Variants in ZFP30 observed in about 807,000 individuals in gnomAD.
ZFP30 encodes ZFP30 zinc finger protein, also known as zinc finger protein 30 homolog.
Under a neutral mutation model 12.3 loss-of-function variants are expected in ZFP30, and 16 were observed. The ratio of observed to expected loss-of-function variants is 1.30; its 90% CI spans 0.88 to 1.98. The LOEUF (loss-of-function observed/expected upper bound fraction) is 1.98. ZFP30 is among the 30% of genes most tolerant of loss of function. The pLI is 0.00. For synonymous variants in ZFP30, 172 were observed against 201.0 expected (o/e 0.86, Z 1.22); for missense variants, 560 against 611.2 (o/e 0.92, Z 0.88).
chr19:37,635,842 C>CT lies in ZFP30; in HGVS notation c.698dup (p.Arg234GlufsTer6), dbSNP rs1568379177. 10 of 1,614,154 alleles carry CT rather than the reference C, an allele frequency of 6.2e-6. No homozygotes were observed. Among genetic ancestry groups the CT allele is most frequent in the South Asian group, 1.1e-5 (1 of 91,072 alleles). On this transcript the variant is annotated frameshift_variant, in exon 6 of 6. Transcript: ENST00000684514. LOFTEE classifies it low-confidence loss of function (END_TRUNC). ...ACGGCTTCTCACCAATATGAATTCT[C>CT]TGATGTACTCGAAGGTCTGAGCCAC...
In ZFP30 at chr19:37,634,187, G is replaced by T. The variant is rs570921253; in HGVS notation, c.*794C>A. On this transcript the variant is annotated 3_prime_UTR_variant, in exon 6 of 6. Transcript: ENST00000684514. ...CTCTTGTAGAATTACCCTTATTTTA[G>T]ATTTAATTGCTCCTTTTTGTGTCAT... The T allele has an allele frequency of 6.6e-6, 1 of 152,214 alleles. No homozygotes were observed. The highest frequency in any genetic ancestry group is 2.4e-5 in the African/African-American group (1 of 41,548). 9.4% of individuals were successfully genotyped at this position (152,214 alleles called of 1,614,324 possible). A position where few individuals can be genotyped will look rare whatever the true frequency, so the allele number is the denominator to read the frequency against.
intron 3 of ZFP30, 34 bp from the exon 4 acceptor site, chr19:37,644,770 T>A (rs369628797): frequency 6.3e-7 from 1 of 1,589,592 alleles, no homozygotes; most frequent in Non-Finnish European, 8.5e-7. Flanking sequence ...ATTTGTAAGA[T>A]AAATGAAAAT....
intron 4 of ZFP30, among the ~76,000 whole-genome samples, chr19:37,643,681 CATT>C (rs2044482721): frequency 6.6e-6 from 1 of 152,126 alleles, no homozygotes; most frequent in African/African-American, 2.4e-5. Context: ...GTATATATAG[CATT>C]GTTGTGAGAT....
chr19:37,634,839 CAT>C lies in ZFP30; in HGVS notation c.*140_*141del. The C allele has an allele frequency of 1.1e-6, 1 of 906,688 alleles. No homozygotes were observed. The highest frequency in any genetic ancestry group is 1.5e-6 in the Non-Finnish European group (1 of 653,528). 56.2% of individuals were successfully genotyped at this position (906,688 alleles called of 1,614,324 possible). On this transcript the variant is annotated 3_prime_UTR_variant, in exon 6 of 6. Coordinates refer to ENST00000684514, the MANE Select transcript of ZFP30 (RefSeq NM_001320669.3). ...TGAAAGGCTTCTATATGTTCATTAACATATTCTTTCCTTTAAATAAAACTTCC... is the reference window on the plus strand; with the variant it reads ...TGAAAGGCTTCTATATGTTCATTAACATTCTTTCCTTTAAATAAAACTTCC...
chr19:37,637,195 CTTTTTTTCTTTTTTTT>C (rs2044346030), intron 5 of ZFP30, among the ~76,000 whole-genome samples: 2 of 145,074 alleles, frequency 1.4e-5, no homozygotes, highest in South Asian at 4.4e-4. Flanking sequence ...TTTCTTTTTT[CTTTTTTTCTTTTTTTT>C]TTTTTTTTTA....
intron 2 of ZFP30, among the ~76,000 whole-genome samples, chr19:37,653,987 T>C (rs957972394): frequency 2.0e-5 from 3 of 152,320 alleles, no homozygotes; most frequent in East Asian, 1.9e-4. Context: ...ACAAAGCTGA[T>C]AGGAAATGAC....
In ZFP30 at chr19:37,635,184, G is replaced by A. The variant is rs1599607015; in HGVS notation, c.1357C>T (p.Leu453Phe). 2.5e-6 allele frequency: 4 copies of A among 1,612,428 alleles called. No homozygotes were observed. The highest frequency in any genetic ancestry group is 3.4e-6 in the Non-Finnish European group (4 of 1,179,044). ...GTATGAATACTTTGATGTTGGGTAA[G>A]TTGTGAAAGCAGTCTAAAAGTCTTC... is the stretch of plus-strand genomic sequence containing the variant. Reference protein sequence around the residue: ...CEKTFRLLSQLTQHQSIHTGE... With the variant: ...CEKTFRLLSQFTQHQSIHTGE... The change falls in exon 6 of 6, where the codon CTT becomes TTT. Residue 453 changes from leucine to phenylalanine, a missense_variant. By Grantham distance (22) the Leu-to-Phe change is conservative. Coordinates refer to ENST00000684514, the MANE Select transcript of ZFP30 (RefSeq NM_001320669.3).
rs1200201306 is a variant in ZFP30, at chr19:37,632,822, C to A, written c.*2159G>T. The A allele has an allele frequency of 6.6e-6, 1 of 152,174 alleles. No individual in the cohort carries two copies. Among genetic ancestry groups the A allele is most frequent in the Non-Finnish European group, 1.5e-5 (1 of 68,040 alleles). The allele number at this position is 152,174 out of a possible 1,614,324, so 9.4% of individuals were successfully genotyped here. On this transcript the variant is annotated 3_prime_UTR_variant, in exon 6 of 6. Transcript: ENST00000684514. ...TACCATATATTAGTACAGGTCTAGTCCATTATTTCCCACATTTAGCAGTAG... is the reference window on the plus strand; with the variant it reads ...TACCATATATTAGTACAGGTCTAGTACATTATTTCCCACATTTAGCAGTAG...
In ZFP30 at chr19:37,635,288, G is replaced by C. The variant is rs937281084; in HGVS notation, c.1253C>G (p.Ala418Gly). 8.7e-6 allele frequency: 14 copies of C among 1,614,116 alleles called. No homozygotes were observed. In the East Asian group the frequency reaches 2.9e-4, roughly 33 times the overall value. Residue 418 changes from alanine (A) to glycine (G), a missense_variant, in exon 6 of 6, where the codon GCA becomes GGA. Transcript: ENST00000684514. Reference protein sequence around the residue: ...KPYECKECGKAFRLFSQLTQH... With the variant: ...KPYECKECGKGFRLFSQLTQH... ...AGTAAGCTGTGAGAACAGCCTAAAT[G>C]CCTTCCCACATTCCTTACATTCATA...
Position 37,635,229 on chromosome 19 carries a change from A to G in ZFP30, c.1312T>C (p.Phe438Leu), listed in dbSNP as rs1367212162. 6.2e-7 allele frequency: 1 copy of G among 1,614,072 alleles called. No individual in the cohort carries two copies. Among genetic ancestry groups the G allele is most frequent in the Non-Finnish European group, 8.5e-7 (1 of 1,179,948 alleles). Residue 438 changes from phenylalanine (F) to leucine (L), a missense_variant, in exon 6 of 6, where the codon TTT becomes CTT. Physicochemically the swap from Phe to Leu is conservative, Grantham distance 22. Transcript: ENST00000684514. Reference sequence around the variant, plus strand: ...GTCTTCTCACATTCCTTACACTTAAAGGGTTTCTCACCAAAATGAATACTC... The same window carrying G: ...GTCTTCTCACATTCCTTACACTTAAGGGGTTTCTCACCAAAATGAATACTC... ...HQSIHFGEKP[F>L]KCKECEKTFR...
At chr19:37,650,279 G>A (rs1438781521) in intron 2 of ZFP30, among the ~76,000 whole-genome samples, 1 of 151,824 alleles carries the variant, frequency 6.6e-6, no homozygotes, top group Non-Finnish European at 1.5e-5. Flanking sequence ...ACACCACCCT[G>A]GCTATTTTTT....
At chr19:37,646,404 A>AG (rs1288436436) in intron 3 of ZFP30, among the ~76,000 whole-genome samples, 1 of 152,222 alleles carries the variant, frequency 6.6e-6, no homozygotes, top group Non-Finnish European at 1.5e-5. Context: ...CCAATATTCT[A>AG]GTTTAGCAAT....
chr19:37,652,943 C>T (rs1340645472), intron 2 of ZFP30, among the ~76,000 whole-genome samples: 1 of 151,790 alleles, frequency 6.6e-6, no homozygotes, highest in African/African-American at 2.4e-5. Context: ...CATGGTGAAA[C>T]CCCGTCTCTA....
In ZFP30 at chr19:37,634,695, C is replaced by T. The variant is rs2044285840; in HGVS notation, c.*286G>A. The stretch of plus-strand genomic sequence containing the variant: ...CTAGCAACCTTCGTGTGTATATACA[C>T]AGATGGAAGAATATGGAGATAATAA... On this transcript the variant is annotated 3_prime_UTR_variant, in exon 6 of 6. Transcript: ENST00000684514. The T allele has an allele frequency of 6.9e-6, 2 of 289,034 alleles. No individual in the cohort carries two copies. The highest frequency in any genetic ancestry group is 1.3e-5 in the Non-Finnish European group (2 of 157,020). 17.9% of individuals were successfully genotyped at this position (289,034 alleles called of 1,614,324 possible). A position where few individuals can be genotyped will look rare whatever the true frequency, so the allele number is the denominator to read the frequency against.
chr19:37,655,606 G>A (rs564756247), upstream of ZFP30: 2 of 152,612 alleles, frequency 1.3e-5, no homozygotes, highest in East Asian at 3.9e-4. Flanking sequence ...GGAGCCAGAG[G>A]GGCCGCAGTG....
In ZFP30 at chr19:37,633,035, G is replaced by A. The variant is rs1278195180; in HGVS notation, c.*1946C>T. ...AAAATACAAAAATCAACCTGGTGTGGTGGCGGGCGCCTGTAATCCCAGCCA... is the reference window on the plus strand; with the variant it reads ...AAAATACAAAAATCAACCTGGTGTGATGGCGGGCGCCTGTAATCCCAGCCA... On this transcript the variant is annotated 3_prime_UTR_variant, in exon 6 of 6. Coordinates refer to ENST00000684514, the MANE Select transcript of ZFP30 (RefSeq NM_001320669.3). 1 of 152,154 alleles carries A rather than the reference G, an allele frequency of 6.6e-6. No individual in the cohort carries two copies. Among genetic ancestry groups the A allele is most frequent in the Non-Finnish European group, 1.5e-5 (1 of 68,114 alleles). 9.4% of individuals were successfully genotyped at this position (152,154 alleles called of 1,614,324 possible).
rs1354267565 is a variant in ZFP30 at position 37,632,690 on chromosome 19, A to C, written c.*2291T>G. The C allele has an allele frequency of 6.6e-6, 1 of 152,218 alleles. No individual in the cohort carries two copies. The highest frequency in any genetic ancestry group is 2.4e-5 in the African/African-American group (1 of 41,468). 9.4% of individuals were successfully genotyped at this position (152,218 alleles called of 1,614,324 possible). A position where few individuals can be genotyped will look rare whatever the true frequency, so the allele number is the denominator to read the frequency against. ...ATACTTAACTTTTTTAAAATAACTA[A>C]GTCTTCAGAATCTTGTGTTTTACAA... On this transcript the variant is annotated 3_prime_UTR_variant, in exon 6 of 6. Coordinates refer to ENST00000684514, the MANE Select transcript of ZFP30 (RefSeq NM_001320669.3).
chr19:37,631,680 T>TAAAAA lies in ZFP30; in HGVS notation c.*3296_*3300dup, dbSNP rs59250127. 5.4e-5 allele frequency: 6 copies of TAAAAA among 111,348 alleles called. No individual in the cohort carries two copies. The highest frequency in any genetic ancestry group is 1.0e-4 in the Non-Finnish European group (5 of 49,962). The allele number at this position is 111,348 out of a possible 1,614,324, so 6.9% of individuals were successfully genotyped here. On this transcript the variant is annotated 3_prime_UTR_variant, in exon 6 of 6. Coordinates refer to ENST00000684514, the MANE Select transcript of ZFP30 (RefSeq NM_001320669.3). ...ATTCCATTCTTAATACATAGAAAGC[T>TAAAAA]AAAAAAAAAAAAAAAAAAAAGACAA...
chr19:37,635,451 T>TTTTC lies in ZFP30; in HGVS notation c.1089_1090insGAAA (p.Ser364GlufsTer17). Reference sequence around the variant, plus strand: ...TGGAGAGTTAGATGATAGCCACGACTGAAAGTCTTCCCACATTCCTTACAA... The same window carrying TTTTC: ...TGGAGAGTTAGATGATAGCCACGACTTTTCGAAAGTCTTCCCACATTCCTTACAA... On this transcript the variant is annotated frameshift_variant, in exon 6 of 6. Transcript: ENST00000684514. LOFTEE classifies it low-confidence loss of function (END_TRUNC). 2 of 1,614,198 alleles carry TTTTC rather than the reference T, an allele frequency of 1.2e-6. No homozygotes were observed. Among genetic ancestry groups the TTTTC allele is most frequent in the South Asian group, 2.2e-5 (2 of 91,086 alleles).
Sources: allele counts gnomAD v4.1 joint callset (sites outside exome capture counted in the v4.1 genomes callset), GRCh38; gene constraint gnomAD v4.1.1; transcripts MANE v1.5; gene names NCBI Gene and HGNC (gene_info 2026-07-23, HGNC 2026-07-21).